The following NTRK3 variants were observed in gnomAD, a reference collection of about 807,000 sequenced individuals.
NTRK3 encodes neurotrophic receptor tyrosine kinase 3, also known as NT-3 growth factor receptor.
In NTRK3, 24 loss-of-function variants were observed where a neutral mutation model predicts 91.7. The observed-to-expected ratio is 0.26, with a 90% CI of 0.19 to 0.37. The LOEUF (loss-of-function observed/expected upper bound fraction) is 0.37, where lower values mean the gene tolerates loss of function less well. Ranked by LOEUF, NTRK3 falls within the 10% of genes least tolerant of loss-of-function variation. NTRK3 has a pLI of 1.00. For synonymous variants in NTRK3, 483 were observed against 404.0 expected (o/e 1.20, Z -2.34); for missense variants, 880 against 1,068.9 (o/e 0.82, Z 2.46).
chr15:87,865,511 A>T lies in NTRK3; in HGVS notation c.*11424T>A, dbSNP rs1002051562. On this transcript the variant is annotated 3_prime_UTR_variant, in exon 19 of 19. Coordinates refer to ENST00000394480, the Ensembl canonical transcript of NTRK3. ...AGGTGTGGTCTAGCATTTGCTCTTC[A>T]CTCATCTTAAGATTATTTTCCCATG... 47 of 214,990 alleles carry T rather than the reference A, an allele frequency of 2.2e-4. 1 individual carries two copies. The East Asian group carries it at 3.0e-3, about 14-fold the overall frequency. The allele number at this position is 214,990 out of a possible 1,614,324, so 13.3% of individuals were successfully genotyped here.
intron 14 of NTRK3, among the ~76,000 whole-genome samples, chr15:87,945,585 C>T (rs2070382781): frequency 6.6e-6 from 1 of 151,676 alleles, no homozygotes; most frequent in African/African-American, 2.4e-5. Flanking sequence ...CTCTGTTCCC[C>T]TTGGCTGCCC....
Position 88,131,288 on chromosome 15 carries a change from C to T in NTRK3, c.1205-2554G>A, listed in dbSNP as rs528360696. 7.2e-5 allele frequency among the ~76,000 whole-genome samples: 11 copies of T among 152,316 alleles called. No homozygotes were observed. The East Asian group carries it at 1.4e-3, about 19-fold the overall frequency. ...CATTCACCCATTCATTCACTCATTG[C>T]GGGCCCTCACAGTCTTAGCTCTATT... On this transcript the variant is annotated intron_variant, in intron 10 of 18. Coordinates refer to ENST00000394480, the Ensembl canonical transcript of NTRK3.
chr15:88,190,779 C>G (rs1460897327), intron 3 of NTRK3, among the ~76,000 whole-genome samples: 1 of 152,180 alleles, frequency 6.6e-6, no homozygotes, highest in Non-Finnish European at 1.5e-5. Flanking sequence ...ATCAGATTTT[C>G]CATAGCAAAA....
chr15:87,908,634 G>A, intron 17 of NTRK3: 1 of 399,434 alleles, frequency 2.5e-6, no homozygotes. Context: ...GAGGAAGGAA[G>A]CATGGAAGGA....
Position 87,946,874 on chromosome 15 carries a change from C to CTTT in NTRK3, c.1586-6124_1586-6122dup, listed in dbSNP as rs560114979. 6.1e-3 allele frequency among the ~76,000 whole-genome samples: 519 copies of CTTT among 85,464 alleles called. 8 individuals are homozygous for CTTT. Among genetic ancestry groups the CTTT allele is most frequent in the East Asian group, 0.024 (56 of 2,362 alleles). The allele number at this position is 85,464 out of a possible 152,430, so 56.1% of individuals were successfully genotyped here. ...TTTACAGCTCTGTCTTTCGTGGGTTCTTTTTTTTTTTTTTTTTTTTTTTTT... is the reference window on the plus strand; with the variant it reads ...TTTACAGCTCTGTCTTTCGTGGGTTCTTTTTTTTTTTTTTTTTTTTTTTTTTTT... On this transcript the variant is annotated intron_variant, in intron 14 of 18. Coordinates refer to ENST00000394480, the Ensembl canonical transcript of NTRK3.
intron 14 of NTRK3, among the ~76,000 whole-genome samples, chr15:87,964,404 AT>A (rs1436194868): frequency 4.0e-5 from 6 of 150,910 alleles, no homozygotes; most frequent in African/African-American, 1.5e-4. Context: ...ACTATGTATT[AT>A]ATACAAGCAT....
chr15:87,989,375 C>G (rs1439697908), intron 14 of NTRK3, among the ~76,000 whole-genome samples: 4 of 152,096 alleles, frequency 2.6e-5, no homozygotes, highest in African/African-American at 4.8e-5. Flanking sequence ...AAGCTGGAAA[C>G]CATCATTCTC....
intron 6 of NTRK3, among the ~76,000 whole-genome samples, chr15:88,145,330 T>C (rs1013917993): frequency 3.3e-5 from 5 of 152,224 alleles, no homozygotes; most frequent in African/African-American, 1.2e-4. Flanking sequence ...ACCAGGGTGA[T>C]TGCTCCTTAG....
chr15:88,030,302 C>T (rs529538158), intron 14 of NTRK3, among the ~76,000 whole-genome samples: 1 of 152,312 alleles, frequency 6.6e-6, no homozygotes, highest in East Asian at 1.9e-4. Flanking sequence ...GGAAGACTTC[C>T]TCCACATGGT....
At chr15:88,113,142 A>G (rs1305936088) in intron 13 of NTRK3, among the ~76,000 whole-genome samples, 1 of 152,106 alleles carries the variant, frequency 6.6e-6, no homozygotes, top group African/African-American at 2.4e-5. Flanking sequence ...TGTTCTTTCA[A>G]TGGCCTTGTT....
chr15:87,958,438 T>G (rs2071899927), intron 14 of NTRK3, among the ~76,000 whole-genome samples: 1 of 152,078 alleles, frequency 6.6e-6, no homozygotes, highest in South Asian at 2.1e-4. Context: ...CTACTTGGCA[T>G]CTCTGCTTGT....
Position 87,884,617 on chromosome 15 carries a change from A to C in NTRK3, c.2134-4189T>G, listed in dbSNP as rs147288068. Among the ~76,000 whole-genome samples, 1,336 of 151,854 alleles carry C rather than the reference A, an allele frequency of 8.8e-3. 23 individuals are homozygous for C. The highest frequency in any genetic ancestry group is 0.03 in the African/African-American group (1,248 of 41,510). ...CCAAATACAAATAAAATATTTATCAAATCAGCACTATATTACAAGAATTCC... is the reference window on the plus strand; with the variant it reads ...CCAAATACAAATAAAATATTTATCACATCAGCACTATATTACAAGAATTCC... On this transcript the variant is annotated intron_variant, in intron 17 of 18. Transcript: ENST00000394480.
chr15:88,122,221 CAT>C (rs994701300), intron 13 of NTRK3, among the ~76,000 whole-genome samples: 2 of 152,170 alleles, frequency 1.3e-5, no homozygotes, highest in African/African-American at 2.4e-5. Flanking sequence ...TATACAGAGA[CAT>C]ATGCATATAT....
intron 17 of NTRK3, among the ~76,000 whole-genome samples, chr15:87,900,769 G>C (rs914626130): frequency 6.6e-6 from 1 of 150,906 alleles, no homozygotes; most frequent in African/African-American, 2.4e-5. Context: ...CAGAATTCAG[G>C]AGCTCCACGG....
At chr15:88,016,428 C>A (rs901783424) in intron 14 of NTRK3, among the ~76,000 whole-genome samples, 2 of 152,228 alleles carry the variant, frequency 1.3e-5, no homozygotes, top group African/African-American at 4.8e-5. Context: ...TGGCCCATCA[C>A]CTTTTCTTAT....
intron 13 of NTRK3, among the ~76,000 whole-genome samples, chr15:88,034,923 C>A (rs1278860869): frequency 6.6e-6 from 1 of 152,122 alleles, no homozygotes; most frequent in Non-Finnish European, 1.5e-5. Flanking sequence ...ATAGCAAATT[C>A]CAGTTAAACA....
At chr15:87,956,344 G>A (rs930391798) in intron 14 of NTRK3, among the ~76,000 whole-genome samples, 13 of 152,230 alleles carry the variant, frequency 8.5e-5, no homozygotes, top group African/African-American at 1.2e-4. Flanking sequence ...GCACAATCTC[G>A]GCTCACTGAA....
intron 3 of NTRK3, among the ~76,000 whole-genome samples, chr15:88,223,469 G>C (rs949830491): frequency 1.2e-4 from 18 of 152,246 alleles, no homozygotes; most frequent in African/African-American, 4.1e-4. Flanking sequence ...GGGCAACAAG[G>C]GTGGGCTTGT....
In NTRK3 at chr15:87,980,523, G is replaced by A. The variant is rs566164033; in HGVS notation, c.1586-39770C>T. ...TGCATGTATGTGCGAATATATGTGT[G>A]TGTACACATATGTGTGTGTTTGAAT... On this transcript the variant is annotated intron_variant, in intron 14 of 18. Coordinates refer to ENST00000394480, the Ensembl canonical transcript of NTRK3. 7.9e-5 allele frequency among the ~76,000 whole-genome samples: 12 copies of A among 152,272 alleles called. No homozygotes were observed. In the South Asian group the frequency reaches 2.3e-3, roughly 29 times the overall value.
Sources: allele counts gnomAD v4.1 joint callset (sites outside exome capture counted in the v4.1 genomes callset), GRCh38; gene constraint gnomAD v4.1.1; transcripts MANE v1.5; gene names NCBI Gene and HGNC (gene_info 2026-07-23, HGNC 2026-07-21).